Variants in OXR1 observed in about 807,000 individuals in gnomAD.
OXR1 encodes oxidation resistance protein 1.
OXR1 carries 41 observed loss-of-function variants against 104.6 expected under a neutral mutation model. The observed-to-expected ratio is 0.39, with a 90% CI of 0.31 to 0.51. The LOEUF (loss-of-function observed/expected upper bound fraction) is 0.51, where lower values mean the gene tolerates loss of function less well. OXR1 is among the 20% of genes least tolerant of loss of function. The pLI is 0.77. For synonymous variants in OXR1, 348 were observed against 348.4 expected (o/e 1.00, Z 0.01); for missense variants, 955 against 1,031.9 (o/e 0.93, Z 1.02).
rs553310873 is a variant in OXR1 at position 106,273,918 on chromosome 8, C to T, written c.-139+3551C>T. On this transcript the variant is annotated intron_variant, in intron 1 of 16. Transcript: ENST00000517566. ...ACCAAATCAGAACTATTCTGCTGTA[C>T]TAATTTCACTGAACTTGTTTGGTAA... is the stretch of plus-strand genomic sequence containing the variant. 5.3e-5 allele frequency among the ~76,000 whole-genome samples: 8 copies of T among 152,320 alleles called. No individual in the cohort carries two copies. In the East Asian group the frequency reaches 1.3e-3, roughly 26 times the overall value.
intron 2 of OXR1, among the ~76,000 whole-genome samples, chr8:106,438,762 A>G (rs1481173407): frequency 2.6e-5 from 4 of 152,156 alleles, no homozygotes; most frequent in Non-Finnish European, 5.9e-5. Flanking sequence ...CATGATACAG[A>G]CATAACATGT....
chr8:106,367,973 G>T (rs1816546849), intron 2 of OXR1, among the ~76,000 whole-genome samples: 2 of 152,252 alleles, frequency 1.3e-5, no homozygotes, highest in African/African-American at 4.8e-5. Flanking sequence ...CCCAGGAACT[G>T]AGCTTAGAGA....
At chr8:106,373,133 G>T (rs559724241) in intron 2 of OXR1, among the ~76,000 whole-genome samples, 1 of 152,114 alleles carries the variant, frequency 6.6e-6, no homozygotes, top group Non-Finnish European at 1.5e-5. Context: ...TAAAGTCTCT[G>T]GGAGGATGTA....
At chr8:106,530,203 C>A (rs1813990443) in intron 3 of OXR1, among the ~76,000 whole-genome samples, 1 of 152,156 alleles carries the variant, frequency 6.6e-6, no homozygotes, top group Non-Finnish European at 1.5e-5. Flanking sequence ...CTTCTAGGAT[C>A]TTGCTCACAT....
At chr8:106,591,710 G>A (rs1250872070) in intron 3 of OXR1, among the ~76,000 whole-genome samples, 1 of 152,130 alleles carries the variant, frequency 6.6e-6, no homozygotes, top group Non-Finnish European at 1.5e-5. Flanking sequence ...GGGGGAGTGG[G>A]GAGGGTCCCA....
chr8:106,351,537 C>T (rs1004986754), intron 1 of OXR1, among the ~76,000 whole-genome samples: 26 of 152,094 alleles, frequency 1.7e-4, no homozygotes, highest in African/African-American at 6.3e-4. Context: ...TGTGGAGACA[C>T]AGATGCATTC....
chr8:106,739,072 G>GCACACA (rs1563762636), intron 12 of OXR1, among the ~76,000 whole-genome samples: 3 of 73,344 alleles, frequency 4.1e-5, no homozygotes, highest in Non-Finnish European at 5.2e-5. Flanking sequence ...ATTTTAAATA[G>GCACACA]CATACACACA....
In OXR1 at chr8:106,706,792, A is replaced by G. The variant is rs1831182655; in HGVS notation, c.1271A>G (p.Asp424Gly). The G allele has an allele frequency of 1.2e-6, 2 of 1,612,726 alleles. No homozygotes were observed. The highest frequency in any genetic ancestry group is 1.1e-5 in the South Asian group (1 of 90,590). Reference protein sequence around the residue: ...LNNLEMAIKEDQIADNFQGIS... With the variant: ...LNNLEMAIKEGQIADNFQGIS... Reference sequence around the variant, plus strand: ...AATCTTGAAATGGCCATTAAGGAAGATCAGATTGCAGATAACTTTCAAGGA... The same window carrying G: ...AATCTTGAAATGGCCATTAAGGAAGGTCAGATTGCAGATAACTTTCAAGGA... The change falls in exon 9 of 17, where the codon GAT (aspartate) becomes GGT (glycine). Residue 424 changes from aspartate to glycine, a missense_variant. Physicochemically the swap from Asp to Gly is moderately conservative, Grantham distance 94. Coordinates refer to ENST00000517566, the MANE Select transcript of OXR1 (RefSeq NM_001198533.2).
At chr8:106,692,696 T>C in intron 6 of OXR1, 32 bp from the exon 7 acceptor site, 1 of 1,388,910 alleles carries the variant, frequency 7.2e-7, no homozygotes, top group East Asian at 2.4e-5. Context: ...TTTTCTGCTT[T>C]TTTTTTTCTT....
At chr8:106,393,662 G>C (rs1339987879) in intron 2 of OXR1, among the ~76,000 whole-genome samples, 1 of 151,832 alleles carries the variant, frequency 6.6e-6, no homozygotes, top group Non-Finnish European at 1.5e-5. Flanking sequence ...CATAACATAA[G>C]GTGGATTGAA....
At chr8:106,411,643 A>G (rs1325235438) in intron 2 of OXR1, among the ~76,000 whole-genome samples, 4 of 152,200 alleles carry the variant, frequency 2.6e-5, no homozygotes, top group Non-Finnish European at 5.9e-5. Flanking sequence ...ATGATTTTTA[A>G]TAAACACCTA....
At chr8:106,565,733 A>G (rs772716375) in intron 3 of OXR1, among the ~76,000 whole-genome samples, 19 of 152,194 alleles carry the variant, frequency 1.2e-4, no homozygotes, top group Non-Finnish European at 2.5e-4. Flanking sequence ...AAACTATACT[A>G]CAAGGTTACA....
At chr8:106,407,226 T>A (rs1818279338) in intron 2 of OXR1, among the ~76,000 whole-genome samples, 1 of 152,202 alleles carries the variant, frequency 6.6e-6, no homozygotes, top group Admixed American at 6.5e-5. Flanking sequence ...AAGATTTAAA[T>A]CTTTGAAACT....
intron 3 of OXR1, among the ~76,000 whole-genome samples, chr8:106,586,982 C>G (rs1818680715): frequency 6.6e-6 from 1 of 152,040 alleles, no homozygotes; most frequent in Non-Finnish European, 1.5e-5. Flanking sequence ...AGGATTTTTG[C>G]TGTAAAGAGA....
At chr8:106,477,380 C>CA (rs1311962016) in intron 2 of OXR1, among the ~76,000 whole-genome samples, 1 of 151,840 alleles carries the variant, frequency 6.6e-6, no homozygotes, top group African/African-American at 2.4e-5. Flanking sequence ...GAGGTGGGTA[C>CA]AAAATTATTA....
At chr8:106,270,976 G>C (rs903902559) in intron 1 of OXR1, among the ~76,000 whole-genome samples, 4 of 152,106 alleles carry the variant, frequency 2.6e-5, no homozygotes, top group African/African-American at 9.7e-5. Context: ...AGTCAGCCTG[G>C]AATCTGTCTC....
At chr8:106,366,721 G>A (rs886278722) in intron 2 of OXR1, among the ~76,000 whole-genome samples, 1 of 152,060 alleles carries the variant, frequency 6.6e-6, no homozygotes, top group African/African-American at 2.4e-5. Context: ...ATGAATGACT[G>A]TTCCATTACG....
At chr8:106,697,850 A>G (rs1437163179) in intron 7 of OXR1, 10 of 1,612,188 alleles carry the variant, frequency 6.2e-6, no homozygotes, top group East Asian at 4.5e-5. Flanking sequence ...TCCTTGAGCC[A>G]GTTCTGGAAG....
At chr8:106,436,559 A>T (rs943575454) in intron 2 of OXR1, among the ~76,000 whole-genome samples, 2 of 151,778 alleles carry the variant, frequency 1.3e-5, no homozygotes, top group African/African-American at 2.4e-5. Context: ...TTTCTTCAGG[A>T]CCTTACAATT....
Sources: gnomAD v4.1 joint callset for allele counts (sites outside exome capture counted in the v4.1 genomes callset) on GRCh38, gnomAD v4.1.1 for gene constraint, MANE v1.5 for transcripts, NCBI Gene and HGNC (gene_info 2026-07-23, HGNC 2026-07-21) for gene names.